INSC: variants seen among roughly 807,000 people sequenced by gnomAD.
INSC encodes the protein protein inscuteable homolog.
A neutral mutation model predicts 58.6 loss-of-function variants in INSC; 67 were observed. The ratio of observed to expected loss-of-function variants is 1.14; its 90% CI spans 0.94 to 1.40. INSC has a LOEUF of 1.40. Among genes scored for constraint, INSC ranks in the 40% most tolerant of loss-of-function variants. The pLI, the probability that INSC is intolerant of heterozygous loss-of-function variation, is 0.00. For missense variants in INSC, 714 were observed against 692.0 expected (o/e 1.03, Z -0.36); for synonymous variants, 262 against 276.1 (o/e 0.95, Z 0.51).
chr11:15,175,101 G>T (rs1218369391), intron 2 of INSC, among the ~76,000 whole-genome samples: 2 of 152,108 alleles, frequency 1.3e-5, no homozygotes, highest in Non-Finnish European at 2.9e-5. Flanking sequence ...CTAGAGAAAA[G>T]CTGAAAAAAA....
chr11:15,217,502 G>A (rs1394334730), intron 7 of INSC, among the ~76,000 whole-genome samples: 1 of 152,174 alleles, frequency 6.6e-6, no homozygotes, highest in Non-Finnish European at 1.5e-5. Context: ...GATGCTACAG[G>A]AATTGCCTCA....
At position 15,175,764 on chromosome 11, in the gene INSC, C is replaced by T. The variant is rs1411751892; in HGVS notation, c.80C>T (p.Ser27Leu). ...AGGCTACACCTGATGCAGGTGGACT[C>T]AGTCCAGCGCTGGATGGAAGATCTG... is the stretch of plus-strand genomic sequence containing the variant. ...GQRLHLMQVD[S>L]VQRWMEDLKL... The change falls in exon 3 of 13, where the codon TCA becomes TTA. Residue 27 changes from serine to leucine, a missense_variant. Coordinates refer to ENST00000379556, the MANE Select transcript of INSC (RefSeq NM_001042536.3). The T allele has an allele frequency of 6.4e-7, 1 of 1,570,002 alleles. No individual in the cohort carries two copies. The highest frequency in any genetic ancestry group is 8.7e-7 in the Non-Finnish European group (1 of 1,149,496).
intron 2 of INSC, among the ~76,000 whole-genome samples, chr11:15,160,918 A>G (rs1437645389): frequency 6.6e-6 from 1 of 152,232 alleles, no homozygotes; most frequent in Non-Finnish European, 1.5e-5. Context: ...TTTGAGCCTC[A>G]GTTTCTCCTC....
chr11:15,205,056 C>T (rs1447113037), intron 7 of INSC, among the ~76,000 whole-genome samples: 4 of 152,084 alleles, frequency 2.6e-5, no homozygotes, highest in Non-Finnish European at 4.4e-5. Context: ...GAAGTCACTT[C>T]GTCTCTGCTT....
chr11:15,133,658 T>C (rs1287188296), intron 1 of INSC, among the ~76,000 whole-genome samples: 2 of 152,162 alleles, frequency 1.3e-5, no homozygotes, highest in East Asian at 1.9e-4. Context: ...CCTGTACACA[T>C]AGGAAACAGA....
chr11:15,122,001 T>C (rs527848460), intron 1 of INSC, among the ~76,000 whole-genome samples: 1 of 152,328 alleles, frequency 6.6e-6, no homozygotes, highest in East Asian at 1.9e-4. Flanking sequence ...TAGCCATTTG[T>C]CTGAAGAGCC....
At chr11:15,202,472 AGGAGT>A (rs1850630904) in intron 7 of INSC, among the ~76,000 whole-genome samples, 2 of 152,104 alleles carry the variant, frequency 1.3e-5, no homozygotes, top group African/African-American at 4.8e-5. Flanking sequence ...GGCAAAATAG[AGGAGT>A]GGAGAGGATG....
chr11:15,263,366 G>A, the INSC span, among the ~76,000 whole-genome samples: 22 of 152,146 alleles, frequency 1.4e-4, no homozygotes, highest in African/African-American at 5.3e-4. Context: ...TTCAGAAACT[G>A]TGATGATTTG....
intron 7 of INSC, among the ~76,000 whole-genome samples, chr11:15,221,014 C>T (rs75733085): frequency 0.03 from 4,638 of 152,316 alleles, 113 homozygotes; most frequent in Middle Eastern, 0.051. Context: ...CAGGCATTGC[C>T]TGCTTTATCT....
chr11:15,225,504 T>A (rs1851598093), intron 8 of INSC, 146 bp from the exon 9 acceptor site: 2 of 771,270 alleles, frequency 2.6e-6, no homozygotes, highest in Admixed American at 3.0e-5. Context: ...TACTGTTGCC[T>A]CTCTAGTAGC....
intron 1 of INSC, among the ~76,000 whole-genome samples, chr11:15,137,764 T>C (rs1457287309): frequency 6.6e-6 from 1 of 152,242 alleles, no homozygotes; most frequent in Non-Finnish European, 1.5e-5. Flanking sequence ...TCAAACTTCC[T>C]CCATATCAGA....
chr11:15,189,371 A>C (rs1182683187), intron 5 of INSC, among the ~76,000 whole-genome samples: 4 of 418 alleles, frequency 9.6e-3, no homozygotes, highest in Admixed American at 0.045. Flanking sequence ...CATTTTGTTT[A>C]TTTATTTATT....
intron 10 of INSC, among the ~76,000 whole-genome samples, chr11:15,236,792 C>G (rs1280047682): frequency 2.6e-5 from 4 of 152,226 alleles, no homozygotes; most frequent in Non-Finnish European, 4.4e-5. Flanking sequence ...GCTAAACCCC[C>G]TTCTCCCAGG....
chr11:15,215,010 A>G (rs147141455), intron 7 of INSC, among the ~76,000 whole-genome samples: 2 of 152,234 alleles, frequency 1.3e-5, no homozygotes, highest in African/African-American at 4.8e-5. Flanking sequence ...GTATTTCATT[A>G]TAGCAGCATA....
At chr11:15,200,974 C>T (rs751292445) in intron 7 of INSC, 25 bp downstream of exon 7, 2 of 1,575,874 alleles carry the variant, frequency 1.3e-6, no homozygotes, top group Non-Finnish European at 1.7e-6. Context: ...CTGGGTGGTG[C>T]CTGAGGTCCT....
chr11:15,163,480 C>T (rs1482855117), intron 2 of INSC, among the ~76,000 whole-genome samples: 3 of 152,198 alleles, frequency 2.0e-5, no homozygotes, highest in Admixed American at 1.3e-4. Flanking sequence ...AGTATTTACC[C>T]TGTTTCTGTG....
chr11:15,236,589 T>C (rs998760565), intron 10 of INSC, among the ~76,000 whole-genome samples: 3 of 152,184 alleles, frequency 2.0e-5, no homozygotes, highest in Non-Finnish European at 4.4e-5. Flanking sequence ...GTGGGCCAGG[T>C]TTCATTGGCC....
At chr11:15,242,767 G>C (rs1289725199) in intron 12 of INSC, among the ~76,000 whole-genome samples, 1 of 152,208 alleles carries the variant, frequency 6.6e-6, no homozygotes, top group Non-Finnish European at 1.5e-5. Context: ...TGCAAAGCCA[G>C]AGAGTACACA....
At chr11:15,211,813 CT>C (rs1035562406) in intron 7 of INSC, among the ~76,000 whole-genome samples, 18 of 146,580 alleles carry the variant, frequency 1.2e-4, no homozygotes, top group East Asian at 4.0e-4. Context: ...ATACCTTTTT[CT>C]TTTTTTTTTA....
Sources: gnomAD v4.1 joint callset for allele counts (sites outside exome capture counted in the v4.1 genomes callset) on GRCh38, gnomAD v4.1.1 for gene constraint, MANE v1.5 for transcripts, NCBI Gene and HGNC (gene_info 2026-07-23, HGNC 2026-07-21) for gene names.